TRPC4AP: variants seen among roughly 807,000 people sequenced by gnomAD.
TRPC4AP encodes the protein short transient receptor potential channel 4-associated protein.
A neutral mutation model predicts 99.0 loss-of-function variants in TRPC4AP; 45 were observed. The ratio of observed to expected loss-of-function variants is 0.45; its 90% confidence interval spans 0.36 to 0.58. The LOEUF (loss-of-function observed/expected upper bound fraction) is 0.58. Among genes scored for constraint, TRPC4AP ranks in the 20% least tolerant of loss-of-function variants. The pLI is 0.00. For synonymous variants in TRPC4AP, 408 were observed against 385.8 expected (o/e 1.06, Z -0.67); for missense variants, 879 against 985.3 (o/e 0.89, Z 1.44).
intron 2 of TRPC4AP, among the ~76,000 whole-genome samples, chr20:35,075,905 T>C (rs187399577): frequency 2.0e-5 from 3 of 152,342 alleles, no homozygotes; most frequent in East Asian, 1.9e-4. Flanking sequence ...CAATCAGACG[T>C]AGATTTGGTC....
At position 35,031,912 on chromosome 20, in the gene TRPC4AP, G is replaced by A. The variant is rs370805700; in HGVS notation, c.1051+3211C>T. On this transcript the variant is annotated intron_variant, in intron 8 of 18. Transcript: ENST00000252015. ...CTACTTAAAAAAAAGTTTTTTTTGAGACAAAGTCTCACTTTGTCACCCAGG... is the reference window on the plus strand; with the variant it reads ...CTACTTAAAAAAAAGTTTTTTTTGAAACAAAGTCTCACTTTGTCACCCAGG... Among the ~76,000 whole-genome samples, 6 of 151,742 alleles carry A rather than the reference G, an allele frequency of 4.0e-5. No individual in the cohort carries two copies. The East Asian group carries it at 1.2e-3, about 29-fold the overall frequency.
In TRPC4AP at chr20:35,004,447, G is replaced by A; in HGVS notation, c.2049+11C>T. The A allele has an allele frequency of 1.2e-6, 2 of 1,609,606 alleles. No homozygotes were observed. The highest frequency in any genetic ancestry group is 1.7e-6 in the Non-Finnish European group (2 of 1,177,444). On this transcript the variant is annotated intron_variant, in intron 17 of 18. Transcript: ENST00000252015. The stretch of plus-strand genomic sequence containing the variant: ...GACCTTCCCTGCTGTGTGTCTGCCG[G>A]GGCCTCTCACCTGGGTCAGCGTCTG...
At chr20:35,062,033 A>G (rs535993926) in intron 3 of TRPC4AP, among the ~76,000 whole-genome samples, 1 of 152,234 alleles carries the variant, frequency 6.6e-6, no homozygotes, top group Non-Finnish European at 1.5e-5. Flanking sequence ...ACATTTCTCC[A>G]AAAGTCCAAT....
chr20:35,044,501 T>C lies in TRPC4AP; in HGVS notation c.865+4A>G. 6.2e-7 allele frequency: 1 copy of C among 1,613,474 alleles called. No individual in the cohort carries two copies. The highest frequency in any genetic ancestry group is 8.5e-7 in the Non-Finnish European group (1 of 1,179,550). On this transcript the variant is annotated splice_donor_region_variant and intron_variant, in intron 7 of 18. Transcript: ENST00000252015. Reference sequence around the variant, plus strand: ...TCAAAATTCTGAGAACTTGGAGACTTTACCTTGATTGATTTCAGCTGCAGA... The same window carrying C: ...TCAAAATTCTGAGAACTTGGAGACTCTACCTTGATTGATTTCAGCTGCAGA...
At chr20:35,014,865 A>G (rs1019728700) in intron 10 of TRPC4AP, among the ~76,000 whole-genome samples, 2 of 152,294 alleles carry the variant, frequency 1.3e-5, no homozygotes, top group Non-Finnish European at 2.9e-5. Context: ...CTTTTGCAAG[A>G]AAACAGAGGC....
At chr20:35,061,200 A>C (rs1374785122) in intron 3 of TRPC4AP, among the ~76,000 whole-genome samples, 1 of 152,218 alleles carries the variant, frequency 6.6e-6, no homozygotes, top group African/African-American at 2.4e-5. Context: ...AAATTGTAGC[A>C]AGAAGCAAAA....
chr20:35,065,195 TTACTGAAA>T lies in TRPC4AP; in HGVS notation c.414+4093_414+4100del, dbSNP rs573579919. 2.0e-5 allele frequency among the ~76,000 whole-genome samples: 3 copies of T among 152,290 alleles called. No individual in the cohort carries two copies. The East Asian group carries it at 5.8e-4, about 29-fold the overall frequency. Reference sequence around the variant, plus strand: ...GCAATGGCTTACACCTGGCCCACAATTACTGAAAAGCTGGAAGATTTTTACCTACAAAT... The same window carrying T: ...GCAATGGCTTACACCTGGCCCACAATAGCTGGAAGATTTTTACCTACAAAT... On this transcript the variant is annotated intron_variant, in intron 3 of 18. Coordinates refer to ENST00000252015, the MANE Select transcript of TRPC4AP (RefSeq NM_015638.3).
chr20:35,006,617 C>T (rs1278465957), intron 14 of TRPC4AP, 42 bp from the exon 15 acceptor site: 4 of 1,600,502 alleles, frequency 2.5e-6, no homozygotes. Context: ...ACGTGGCTGC[C>T]CCCACCAGGG....
chr20:35,013,183 G>T, intron 10 of TRPC4AP, 117 bp from the exon 11 acceptor site: 1 of 907,082 alleles, frequency 1.1e-6, no homozygotes, highest in Non-Finnish European at 1.8e-6. Flanking sequence ...TGTACCATGA[G>T]GACTTTTCTT....
intron 10 of TRPC4AP, among the ~76,000 whole-genome samples, chr20:35,014,332 T>TTC (rs2082703600): frequency 6.8e-6 from 1 of 147,944 alleles, no homozygotes; most frequent in African/African-American, 2.5e-5. Flanking sequence ...TTTTTTTTTT[T>TTC]TTTGAGACAC....
At chr20:35,029,201 A>T (rs2083106048) in intron 8 of TRPC4AP, among the ~76,000 whole-genome samples, 1 of 152,158 alleles carries the variant, frequency 6.6e-6, no homozygotes, top group Non-Finnish European at 1.5e-5. Flanking sequence ...CAGTGAGCTG[A>T]TCGTGCCACT....
rs140361914 is a variant in TRPC4AP, at chr20:35,003,555, C to T, written c.2111G>A (p.Arg704Gln). 24 of 1,613,914 alleles carry T rather than the reference C, an allele frequency of 1.5e-5. No individual in the cohort carries two copies. Among genetic ancestry groups the T allele is most frequent in the African/African-American group, 5.3e-5 (4 of 75,044 alleles). ...VILMLARRKE[R>Q]LPLYLRLLQR... is the part of the protein sequence containing the mutation. ...CAGCAGCCGCAGGTACAGGGGCAGC[C>T]GCTCTTTCCGTCGGGCCAGCATCAG... The change falls in exon 18 of 19, where the codon CGG becomes CAG. Residue 704 changes from arginine to glutamine, a missense_variant. Physicochemically the swap from Arg to Gln is conservative, Grantham distance 43 (BLOSUM62 1). Around this residue, in one of 3 missense-constraint regions of TRPC4AP, gnomAD observed 224 missense variants for 264.7 expected, o/e 0.85. Transcript: ENST00000252015.
intron 2 of TRPC4AP, 141 bp downstream of exon 2, chr20:35,077,905 C>T: frequency 2.2e-6 from 2 of 917,494 alleles, no homozygotes; most frequent in Non-Finnish European, 3.2e-6. Context: ...TGTACTTTTT[C>T]TGAATTTCTC....
intron 5 of TRPC4AP, among the ~76,000 whole-genome samples, chr20:35,052,385 C>T (rs1211982952): frequency 2.0e-5 from 3 of 152,044 alleles, no homozygotes; most frequent in African/African-American, 4.8e-5. Context: ...TGAGCCACTG[C>T]GCCCAGCCTA....
At chr20:35,066,435 C>T (rs1438429126) in intron 3 of TRPC4AP, among the ~76,000 whole-genome samples, 2 of 152,074 alleles carry the variant, frequency 1.3e-5, no homozygotes, top group African/African-American at 4.8e-5. Flanking sequence ...TGTAGTTTTA[C>T]ACACTGAACA....
chr20:35,060,109 T>C (rs768185991), intron 3 of TRPC4AP, among the ~76,000 whole-genome samples: 4 of 152,100 alleles, frequency 2.6e-5, no homozygotes, highest in Non-Finnish European at 5.9e-5. Context: ...GAATGATCAA[T>C]TCTTCACAAA....
intron 2 of TRPC4AP, among the ~76,000 whole-genome samples, chr20:35,076,390 T>C (rs1285603877): frequency 3.9e-5 from 6 of 152,216 alleles, no homozygotes; most frequent in Non-Finnish European, 8.8e-5. Flanking sequence ...CCTATCTTTG[T>C]GGTTTTATCT....
At chr20:35,084,666 GTATATGTATATATGTTTATATGCATATA>G (rs2084775547) in intron 1 of TRPC4AP, among the ~76,000 whole-genome samples, 1 of 125,218 alleles carries the variant, frequency 8.0e-6, no homozygotes, top group African/African-American at 3.2e-5. Flanking sequence ...GCATATATGT[GTATATGTATATATGTTTATATGCATATA>G]TGTGTATATG....
At chr20:35,066,065 A>C (rs2084135720) in intron 3 of TRPC4AP, among the ~76,000 whole-genome samples, 1 of 152,204 alleles carries the variant, frequency 6.6e-6, no homozygotes, top group South Asian at 2.1e-4. Context: ...AAACAAAAGG[A>C]AACTTTAATA....
Sources: allele counts gnomAD v4.1 joint callset (sites outside exome capture counted in the v4.1 genomes callset), GRCh38; gene constraint gnomAD v4.1.1; regional missense constraint gnomAD v4.1.1; transcripts MANE v1.5; gene names NCBI Gene and HGNC (gene_info 2026-07-23, HGNC 2026-07-21).